The following NACAD variants were observed in gnomAD, a reference collection of about 807,000 sequenced individuals.
NACAD encodes the protein NAC alpha domain containing.
A neutral mutation model predicts 98.9 loss-of-function variants in NACAD; 47 were observed. The observed-to-expected ratio is 0.48, with a 90% CI of 0.38 to 0.61. The LOEUF is 0.61. Among genes scored for constraint, NACAD ranks in the 20% least tolerant of loss-of-function variants. The probability of loss-of-function intolerance (pLI) is 0.00; values close to 1 mark genes in which losing one functional copy is unlikely to be tolerated. For missense variants in NACAD, 1,412 were observed against 1,748.2 expected, an observed-to-expected ratio of 0.81 and a Z score of 3.43; for synonymous variants, 696 against 767.2, an observed-to-expected ratio of 0.91 and a Z score of 1.53.
chr7:45,081,564 C>T, intron 4 of NACAD, 37 bp downstream of exon 4: 1 of 1,549,966 alleles, frequency 6.5e-7, no homozygotes, highest in Non-Finnish European at 8.7e-7. Flanking sequence ...CACAGATGGT[C>T]CCAGGCCTGA....
At chr7:45,087,955 C>T (rs1294033484) in intron 1 of NACAD, among the ~76,000 whole-genome samples, 1 of 152,198 alleles carries the variant, frequency 6.6e-6, no homozygotes, top group Non-Finnish European at 1.5e-5. Context: ...CAGAACAGAG[C>T]CAGCACAAGA....
At position 45,084,479 on chromosome 7, in the gene NACAD, T is replaced by C. The variant is rs1784479932; in HGVS notation, c.1701A>G (p.Glu567=). 1.3e-6 allele frequency: 2 copies of C among 1,552,036 alleles called. No individual in the cohort carries two copies. Among genetic ancestry groups the C allele is most frequent in the Non-Finnish European group, 1.7e-6 (2 of 1,147,094 alleles). Residue 567 remains glutamate (E), a synonymous_variant, in exon 2 of 8, where the codon GAA becomes GAG. Transcript: ENST00000490531. ...CAGAGGGGAGGTCCAGCCCTCCTTC[T>C]TCCTTCAAGTTCTGAGGAGAGTCTG... ...LCPDSPQNLK[E]EGGLDLPSGR...
chr7:45,081,816 G>C lies in NACAD; in HGVS notation c.4124C>G (p.Ser1375Ter). 6.5e-7 allele frequency: 1 copy of C among 1,549,984 alleles called. No homozygotes were observed. The highest frequency in any genetic ancestry group is 8.7e-7 in the Non-Finnish European group (1 of 1,146,972). Residue 1375 changes from serine to a stop codon, truncating the protein, a stop_gained, in exon 3 of 8, where the codon TCA (serine) becomes TGA (stop). Coordinates refer to ENST00000490531, the MANE Select transcript of NACAD (RefSeq NM_001146334.2). LOFTEE classifies it high-confidence loss of function. ...GTCCTGCTCGTCCAGCTCGGCTGAT[G>C]ACTCCCCGTGGCTATCCGAATGCTG... is the stretch of plus-strand genomic sequence containing the variant. ...SGQHSDSHGE[S>*]SAELDEQDIL...
chr7:45,083,419 C>A lies in NACAD; in HGVS notation c.2761G>T (p.Ala921Ser), dbSNP rs200791683. The A allele has an allele frequency of 1.3e-6, 2 of 1,550,080 alleles. No individual in the cohort carries two copies. Among genetic ancestry groups the A allele is most frequent in the African/African-American group, 2.7e-5 (2 of 73,026 alleles). Residue 921 changes from alanine to serine, a missense_variant, in exon 2 of 8, where the codon GCT becomes TCT. By Grantham distance (99) the Ala-to-Ser change is moderately conservative. Around this residue, in one of 5 missense-constraint regions of NACAD, gnomAD observed 572 missense variants for 639.6 expected, o/e 0.89. Coordinates refer to ENST00000490531, the MANE Select transcript of NACAD (RefSeq NM_001146334.2). ...TGCAGAGGCAGAGGTGCTGTCATAG[C>A]GGAGTCCTGGGGTAAGGTGAGGCCC... The part of the protein sequence containing the change: ...EEGLTLPQDS[A>S]MTAPLPLQDT...
At position 45,080,752 on chromosome 7, in the gene NACAD, G is replaced by T. The variant is rs377008938; in HGVS notation, c.4562C>A (p.Ala1521Glu). ...CTCAATGTCACGCAGTTCCAGCCCCGCCTCGTCCACCTGGAGTTGGGGGAG... is the reference window on the plus strand; with the variant it reads ...CTCAATGTCACGCAGTTCCAGCCCCTCCTCGTCCACCTGGAGTTGGGGGAG... ...EEEEEEEVDE[A>E]GLELRDIELV... The change falls in exon 7 of 8, where the codon GCG becomes GAG. Residue 1521 changes from alanine to glutamate, a missense_variant. Around this residue, in one of 5 missense-constraint regions of NACAD, gnomAD observed 88 missense variants for 105.4 expected, o/e 0.84. Transcript: ENST00000490531. 1 of 1,550,898 alleles carries T rather than the reference G, an allele frequency of 6.4e-7. No homozygotes were observed. The highest frequency in any genetic ancestry group is 8.7e-7 in the Non-Finnish European group (1 of 1,146,962).
chr7:45,084,617 G>T lies in NACAD; in HGVS notation c.1563C>A (p.Ala521=). The T allele has an allele frequency of 6.4e-7, 1 of 1,551,674 alleles. No individual in the cohort carries two copies. Residue 521 remains alanine (A), a synonymous_variant, in exon 2 of 8, where the codon GCC becomes GCA. Coordinates refer to ENST00000490531, the MANE Select transcript of NACAD (RefSeq NM_001146334.2). ...TDSTAGQESA[A]MAMPQPSQEG... is the part of the protein sequence containing the mutation. Reference sequence around the variant, plus strand: ...CCTGGGAGGGCTGAGGCATTGCCATGGCAGCAGATTCTTGTCCAGCGGTGG... The same window carrying T: ...CCTGGGAGGGCTGAGGCATTGCCATTGCAGCAGATTCTTGTCCAGCGGTGG...
intron 1 of NACAD, among the ~76,000 whole-genome samples, chr7:45,087,057 G>A (rs999884668): frequency 2.6e-5 from 4 of 152,182 alleles, no homozygotes; most frequent in East Asian, 1.9e-4. Context: ...CTCAGTAAAC[G>A]TCTGTGAGCT....
chr7:45,081,648 TCTC>T lies in NACAD; in HGVS notation c.4207_4209del (p.Glu1403del), dbSNP rs997702842. 1 of 1,551,232 alleles carries T rather than the reference TCTC, an allele frequency of 6.4e-7. No homozygotes were observed. The highest frequency in any genetic ancestry group is 8.7e-7 in the Non-Finnish European group (1 of 1,146,978). ...CGACTCTGCTTGGCTTTGGCGATGG[TCTC>T]CTCACTGCCGCCTGCTGGGGCCTGA... On this transcript the variant is annotated inframe_deletion, in exon 4 of 8. Transcript: ENST00000490531.
chr7:45,083,231 A>C lies in NACAD; in HGVS notation c.2949T>G (p.Asn983Lys), dbSNP rs773596992. The C allele has an allele frequency of 3.9e-6, 6 of 1,550,774 alleles. No homozygotes were observed. In the African/African-American group the frequency reaches 8.2e-5, roughly 21 times the overall value. The change falls in exon 2 of 8, where the codon AAT (asparagine) becomes AAG (lysine). Residue 983 changes from asparagine to lysine, a missense_variant. Physicochemically the swap from Asn to Lys is moderately conservative, Grantham distance 94. This residue lies in a region of NACAD where 572 missense variants were observed against 639.6 expected (regional missense o/e 0.89). Transcript: ENST00000490531. ...LGPRPAPEEK[N>K]AALPTVPEPA... ...GCTCCGGGACTGTAGGGAGGGCTGC[A>C]TTCTTCTCCTCAGGTGCTGGCCTGG...
chr7:45,080,630 G>A lies in NACAD; in HGVS notation c.4674+10C>T. On this transcript the variant is annotated intron_variant, in intron 7 of 7. Coordinates refer to ENST00000490531, the MANE Select transcript of NACAD (RefSeq NM_001146334.2). Reference sequence around the variant, plus strand: ...CTCAGGGGTAGGGAAAGGGGCCAGTGCTCACTCACCATGATGGCGTTGACG... The same window carrying A: ...CTCAGGGGTAGGGAAAGGGGCCAGTACTCACTCACCATGATGGCGTTGACG... The A allele has an allele frequency of 6.4e-7, 1 of 1,551,352 alleles. No individual in the cohort carries two copies. The highest frequency in any genetic ancestry group is 8.7e-7 in the Non-Finnish European group (1 of 1,146,906).
Position 45,085,647 on chromosome 7 carries a change from G to C in NACAD, c.533C>G (p.Ser178Cys), listed in dbSNP as rs777951137. The part of the protein sequence containing the change: ...PDPDSFFTPP[S>C]TPTKTTYALL... ...GGCATAGGTGGTCTTGGTGGGGGTG[G>C]AGGGAGGCGTGAAGAAGGAATCAGG... Residue 178 changes from serine to cysteine, a missense_variant, in exon 2 of 8, where the codon TCC (serine) becomes TGC (cysteine). Physicochemically the swap from Ser to Cys is moderately radical, Grantham distance 112 (BLOSUM62 -1). Around this residue, in one of 5 missense-constraint regions of NACAD, gnomAD observed 638 missense variants for 722.7 expected, o/e 0.88. Coordinates refer to ENST00000490531, the MANE Select transcript of NACAD (RefSeq NM_001146334.2). This position sits in a 1 kb window ranked among gnomAD's most constrained non-coding sequence, Gnocchi z 6.1. 1 of 1,548,374 alleles carries C rather than the reference G, an allele frequency of 6.5e-7. No homozygotes were observed. The highest frequency in any genetic ancestry group is 1.2e-5 in the South Asian group (1 of 83,710).
Position 45,083,125 on chromosome 7 carries a change from C to A in NACAD, c.3055G>T (p.Ala1019Ser). 1 of 1,550,808 alleles carries A rather than the reference C, an allele frequency of 6.4e-7. No individual in the cohort carries two copies. Among genetic ancestry groups the A allele is most frequent in the Non-Finnish European group, 8.7e-7 (1 of 1,147,002 alleles). The change falls in exon 2 of 8, where the codon GCG (alanine) becomes TCG (serine). Residue 1019 changes from alanine (A) to serine (S), a missense_variant. Around this residue, in one of 5 missense-constraint regions of NACAD, gnomAD observed 572 missense variants for 639.6 expected, o/e 0.89. Transcript: ENST00000490531. ...AGTPWAAQED[A>S]DSTLGMEALS... ...GCCTCCATGCCCAAAGTGGAATCCG[C>A]ATCTTCCTGTGCGGCCCAAGGTGTC...
Position 45,084,695 on chromosome 7 carries a change from C to T in NACAD, c.1485G>A (p.Gln495=). 8 of 1,551,164 alleles carry T rather than the reference C, an allele frequency of 5.2e-6. No homozygotes were observed. The highest frequency in any genetic ancestry group is 1.2e-5 in the South Asian group (1 of 83,984). The stretch of plus-strand genomic sequence containing the variant: ...GGGTCACTCTGGTAGCCACCTCCAC[C>T]TGGAGGCCTGGGGCTACCTGCAGAG... ...PHTLQVAPGL[Q]VEVATRVTPQ... Residue 495 remains glutamine, a synonymous_variant, in exon 2 of 8, where the codon CAG becomes CAA. Transcript: ENST00000490531.
chr7:45,086,666 T>C (rs1412628986), intron 1 of NACAD, among the ~76,000 whole-genome samples: 1 of 152,226 alleles, frequency 6.6e-6, no homozygotes, highest in Non-Finnish European at 1.5e-5. Context: ...GGCCAACATG[T>C]CAGGGTTTCA....
chr7:45,081,390 G>T, intron 4 of NACAD, 127 bp from the exon 5 acceptor site: 1 of 1,368,242 alleles, frequency 7.3e-7, no homozygotes, highest in Non-Finnish European at 9.9e-7. Flanking sequence ...GCTGGTGGTT[G>T]GTCCTTCCCC....
At position 45,088,868 on chromosome 7, in the gene NACAD, C is replaced by T. The variant is rs1328560714; in HGVS notation, c.27G>A (p.Glu9=). 7 of 1,486,804 alleles carry T rather than the reference C, an allele frequency of 4.7e-6. No homozygotes were observed. Among genetic ancestry groups the T allele is most frequent in the Non-Finnish European group, 4.5e-6 (5 of 1,123,336 alleles). The allele number at this position is 1,486,804 out of a possible 1,614,324, so 92.1% of individuals were successfully genotyped here. MPGEAARA[E]LLLPEADRPG... ...GTCGGTCCGCCTCGGGCAGCAGCAG[C>T]TCGGCGCGGGCAGCCTCCCCAGGCA... Residue 9 remains glutamate, a synonymous_variant, in exon 1 of 8, where the codon GAG becomes GAA. Coordinates refer to ENST00000490531, the MANE Select transcript of NACAD (RefSeq NM_001146334.2). The surrounding 1 kb of genome is among the most constrained non-coding windows in gnomAD (Gnocchi z 5.7).
rs1021077964 is a variant in NACAD at position 45,082,962 on chromosome 7, G to T, written c.3218C>A (p.Thr1073Asn). The change falls in exon 2 of 8, where the codon ACC (threonine) becomes AAC (asparagine). Residue 1073 changes from threonine (T) to asparagine (N), a missense_variant. Transcript: ENST00000490531. The surrounding 1 kb of genome is among the most constrained non-coding windows in gnomAD (Gnocchi z 4.5). ...GAKPDSPQKE[T>N]LEVENQQEGG... ...TTCCTGCTGGTTCTCAACCTCCAGG[G>T]TCTCCTTTTGGGGTGAGTCAGGCTT... 2 of 1,551,004 alleles carry T rather than the reference G, an allele frequency of 1.3e-6. No individual in the cohort carries two copies. Among genetic ancestry groups the T allele is most frequent in the Non-Finnish European group, 1.7e-6 (2 of 1,147,006 alleles).
chr7:45,081,731 C>A (rs1463985178), intron 3 of NACAD, 24 bp downstream of exon 3: 2 of 1,551,190 alleles, frequency 1.3e-6, no homozygotes, highest in East Asian at 2.4e-5. Context: ...CCCAGAGGCC[C>A]ACCCTCTTCC....
rs889991564 is a variant in NACAD, at chr7:45,085,371, G to C, written c.809C>G (p.Thr270Ser). The change falls in exon 2 of 8, where the codon ACC becomes AGC. Residue 270 changes from threonine (T) to serine (S), a missense_variant. Physicochemically the swap from Thr to Ser is moderately conservative, Grantham distance 58. This residue lies in a region of NACAD where 638 missense variants were observed against 722.7 expected (regional missense o/e 0.88). Coordinates refer to ENST00000490531, the MANE Select transcript of NACAD (RefSeq NM_001146334.2). The surrounding 1 kb of genome is among the most constrained non-coding windows in gnomAD (Gnocchi z 6.1). ...VDERELHPAG[T>S]PEPPSSESSL... ...GGACTCAGAGGACGGGGGCTCTGGG[G>C]TCCCTGCTGGGTGCAGCTCTCGTTC... 1.9e-6 allele frequency: 3 copies of C among 1,549,352 alleles called. No homozygotes were observed. Among genetic ancestry groups the C allele is most frequent in the Non-Finnish European group, 2.6e-6 (3 of 1,146,178 alleles).
Sources: gnomAD v4.1 joint callset for allele counts (sites outside exome capture counted in the v4.1 genomes callset) on GRCh38, gnomAD v4.1.1 for gene constraint, gnomAD v4.1.1 regional missense constraint, Gnocchi (gnomAD v3.1) non-coding constraint, MANE v1.5 for transcripts, NCBI Gene and HGNC (gene_info 2026-07-23, HGNC 2026-07-21) for gene names.